The following RNF216 variants were observed in gnomAD, a reference collection of about 807,000 sequenced individuals.
RNF216 encodes E3 ubiquitin-protein ligase RNF216.
RNF216 carries 72 observed loss-of-function variants against 110.8 expected under a neutral mutation model. That is an observed-to-expected ratio of 0.65 (90% CI 0.54 to 0.79). RNF216 has a LOEUF of 0.79. RNF216 is among the 30% of genes least tolerant of loss of function. The pLI, the probability that RNF216 is intolerant of heterozygous loss-of-function variation, is 0.00. For synonymous variants in RNF216, 495 were observed against 407.5 expected (o/e 1.21, Z -2.59); for missense variants, 1,342 against 1,141.2 (o/e 1.18, Z -2.54).
At chr7:5,652,912 A>G (rs879899396) in intron 13 of RNF216, among the ~76,000 whole-genome samples, 1 of 152,346 alleles carries the variant, frequency 6.6e-6, no homozygotes, top group East Asian at 1.9e-4. Flanking sequence ...CTTAATTTGC[A>G]TAAGCCTTTC....
At chr7:5,775,302 G>A (rs997300504) in intron 1 of RNF216, 2 of 152,100 alleles carry the variant, frequency 1.3e-5, no homozygotes, top group Admixed American at 1.3e-4. Context: ...CAATTTTCTG[G>A]TTTTCAAAAT....
intron 5 of RNF216, among the ~76,000 whole-genome samples, chr7:5,736,175 C>G (rs1391095855): frequency 1.3e-5 from 2 of 152,064 alleles, no homozygotes; most frequent in Admixed American, 6.6e-5. Context: ...CCAGCCGAAG[C>G]TGGACTGTAC....
intron 7 of RNF216, among the ~76,000 whole-genome samples, chr7:5,726,337 G>A (rs539654686): frequency 9.9e-5 from 15 of 152,236 alleles, no homozygotes; most frequent in African/African-American, 3.4e-4. Context: ...ATGACAATGG[G>A]CTGGTGAGTC....
At chr7:5,733,694 AGAGAG>A (rs1794224011) in intron 5 of RNF216, among the ~76,000 whole-genome samples, 1 of 151,958 alleles carries the variant, frequency 6.6e-6, no homozygotes, top group Admixed American at 6.6e-5. Context: ...TTCAAAGAGA[AGAGAG>A]AAGTAAACAA....
At chr7:5,706,062 T>G (rs1018638570) in intron 13 of RNF216, among the ~76,000 whole-genome samples, 1 of 145,084 alleles carries the variant, frequency 6.9e-6, no homozygotes. Flanking sequence ...CTACTAAAAA[T>G]GCAAAAAATT....
chr7:5,772,173 C>T lies in RNF216; in HGVS notation c.-70+9368G>A, dbSNP rs182755613. Among the ~76,000 whole-genome samples, 881 of 152,216 alleles carry T rather than the reference C, an allele frequency of 5.8e-3. 30 individuals carry two copies. The highest frequency in any genetic ancestry group is 0.047 in the Admixed American group (720 of 15,288). ...GTTTGAACCCGGGAGGTGGAGGTTG[C>T]GGTGAGCCGAGATCAAGCCATTGCA... On this transcript the variant is annotated intron_variant, in intron 1 of 16. Transcript: ENST00000389902.
intron 14 of RNF216, among the ~76,000 whole-genome samples, chr7:5,641,883 A>C (rs2128567854): frequency 6.6e-6 from 1 of 151,866 alleles, no homozygotes; most frequent in African/African-American, 2.4e-5. Flanking sequence ...AAATACAAAA[A>C]TTTGCCAGGC....
chr7:5,650,067 G>A (rs1788293595), intron 14 of RNF216: 1 of 152,210 alleles, frequency 6.6e-6, no homozygotes, highest in Non-Finnish European at 1.5e-5. Flanking sequence ...AGGTTAGAGA[G>A]AGAAATCCCT....
At chr7:5,693,053 G>C (rs1046792875) in intron 13 of RNF216, among the ~76,000 whole-genome samples, 1 of 152,128 alleles carries the variant, frequency 6.6e-6, no homozygotes, top group Non-Finnish European at 1.5e-5. Flanking sequence ...TAATATCTTG[G>C]AGACAGCTCC....
At position 5,622,324 on chromosome 7, in the gene RNF216, A is replaced by G. The variant is rs1786419062; in HGVS notation, c.*536T>C. 6.5e-6 allele frequency: 1 copy of G among 154,426 alleles called. No individual in the cohort carries two copies. The highest frequency in any genetic ancestry group is 1.4e-5 in the Non-Finnish European group (1 of 69,556). The allele number at this position is 154,426 out of a possible 1,614,324, so 9.6% of individuals were successfully genotyped here. ...GAGAGGTGCCCTCAACACTCACTGC[A>G]GTGGCGCACGGGTTTTGGATGGGGG... On this transcript the variant is annotated 3_prime_UTR_variant, in exon 17 of 17. Transcript: ENST00000389902.
At chr7:5,743,350 G>A (rs562107531) in intron 3 of RNF216, among the ~76,000 whole-genome samples, 12 of 151,994 alleles carry the variant, frequency 7.9e-5, no homozygotes, top group Admixed American at 2.0e-4. Context: ...AAACTCTATC[G>A]AAAAAGGGCA....
In RNF216 at chr7:5,661,866, C is replaced by A. The variant is rs566289476; in HGVS notation, c.2062-9356G>T. Among the ~76,000 whole-genome samples the A allele has an allele frequency of 8.7e-4, 132 of 152,270 alleles. No homozygotes were observed. The Middle Eastern group carries it at 0.01, about 12-fold the overall frequency. ...GCTCAGAGGGTCCAATTAATTTGGT[C>A]GAGGTCACAGAGCTTTAGACATGAG... On this transcript the variant is annotated intron_variant, in intron 13 of 16. Transcript: ENST00000389902.
At chr7:5,642,746 T>C (rs1045129472) in intron 14 of RNF216, among the ~76,000 whole-genome samples, 3 of 152,198 alleles carry the variant, frequency 2.0e-5, no homozygotes, top group African/African-American at 7.2e-5. Context: ...CCCAAAGTGC[T>C]GAGATTACAA....
intron 13 of RNF216, among the ~76,000 whole-genome samples, chr7:5,670,370 T>C (rs1789824068): frequency 6.6e-6 from 1 of 152,168 alleles, no homozygotes; most frequent in African/African-American, 2.4e-5. Context: ...CATGTGATAG[T>C]GGGCTCCTCT....
rs570139674 is a variant in RNF216 at position 5,765,534 on chromosome 7, G to C, written c.-69-4396C>G. Among the ~76,000 whole-genome samples, 4 of 152,174 alleles carry C rather than the reference G, an allele frequency of 2.6e-5. No individual in the cohort carries two copies. In the East Asian group the frequency reaches 7.7e-4, roughly 29 times the overall value. ...AGTCCCAGCTACTCAGGAAGCTGAA[G>C]CAGGAGGACTGCTTGAGCCCAGGAG... On this transcript the variant is annotated intron_variant, in intron 1 of 16. Coordinates refer to ENST00000389902, the MANE Select transcript of RNF216 (RefSeq NM_207111.4).
In RNF216 at chr7:5,649,104, G is replaced by A. The variant is rs549341758; in HGVS notation, c.2159+3309C>T. ...AAAAACAAGAAAGTGACGGCCGGGC[G>A]GGCGCGGTGGCTCACGCCTGTAATC... On this transcript the variant is annotated intron_variant, in intron 14 of 16. Transcript: ENST00000389902. Among the ~76,000 whole-genome samples, 5 of 152,220 alleles carry A rather than the reference G, an allele frequency of 3.3e-5. No individual in the cohort carries two copies. In the South Asian group the frequency reaches 6.2e-4, roughly 19 times the overall value.
chr7:5,675,919 G>C (rs1013175036), intron 13 of RNF216, among the ~76,000 whole-genome samples: 3 of 151,930 alleles, frequency 2.0e-5, no homozygotes, highest in Non-Finnish European at 4.4e-5. Flanking sequence ...ATGTTGGTCA[G>C]GCTGGTCTTG....
chr7:5,736,149 A>G (rs11982258), intron 5 of RNF216, among the ~76,000 whole-genome samples: 151,235 of 152,280 alleles, frequency 0.99, 75,106 homozygotes, highest in East Asian at 1. Flanking sequence ...CTCTCCCCAC[A>G]GTCTCCCTCT....
chr7:5,688,087 T>C (rs1791100348), intron 13 of RNF216, among the ~76,000 whole-genome samples: 1 of 152,196 alleles, frequency 6.6e-6, no homozygotes, highest in Non-Finnish European at 1.5e-5. Context: ...GAGCAGTAAA[T>C]AAGCAGCAGC....
Sources: gnomAD v4.1 joint callset for allele counts (sites outside exome capture counted in the v4.1 genomes callset) on GRCh38, gnomAD v4.1.1 for gene constraint, MANE v1.5 for transcripts, NCBI Gene and HGNC (gene_info 2026-07-23, HGNC 2026-07-21) for gene names.